PPP1R14D: variants seen among roughly 807,000 people sequenced by gnomAD.
PPP1R14D encodes protein phosphatase 1 regulatory subunit 14D.
In PPP1R14D, 14 loss-of-function variants were observed where a neutral mutation model predicts 17.1. That is an observed-to-expected ratio of 0.82 (90% CI 0.54 to 1.28). The LOEUF (loss-of-function observed/expected upper bound fraction) is 1.28. Among genes scored for constraint, PPP1R14D ranks in the 50% most tolerant of loss-of-function variants. The pLI is 0.00. For synonymous variants in PPP1R14D, 67 were observed against 66.1 expected (o/e 1.01, Z -0.06); for missense variants, 173 against 179.2 (o/e 0.97, Z 0.20).
intron 1 of PPP1R14D, among the ~76,000 whole-genome samples, chr15:40,820,217 G>C (rs1028738308): frequency 1.3e-5 from 2 of 150,398 alleles, no homozygotes; most frequent in African/African-American, 4.9e-5. Context: ...GGAGTGCAGT[G>C]GTGCGATCTC....
chr15:40,822,484 G>A (rs557743263), intron 1 of PPP1R14D, among the ~76,000 whole-genome samples: 3 of 150,812 alleles, frequency 2.0e-5, no homozygotes, highest in South Asian at 4.2e-4. Flanking sequence ...ATGGAGTTTC[G>A]CTCTTGTTGC....
At chr15:40,818,465 A>G (rs2141985598) in intron 1 of PPP1R14D, among the ~76,000 whole-genome samples, 1 of 152,300 alleles carries the variant, frequency 6.6e-6, no homozygotes, top group Admixed American at 6.5e-5. Flanking sequence ...TGAGCTATCA[A>G]GCCAGGAAGA....
chr15:40,815,510 C>T lies in PPP1R14D; in HGVS notation c.*186G>A. On this transcript the variant is annotated 3_prime_UTR_variant, in exon 4 of 4. Coordinates refer to ENST00000299174, the MANE Select transcript of PPP1R14D (RefSeq NM_017726.8). ...AAGGAAGGCATTGGACAACAGCCAG[C>T]TTTCTCCCAGAGAGCCCAGCTGACA... 1 of 730,190 alleles carries T rather than the reference C, an allele frequency of 1.4e-6. No individual in the cohort carries two copies. The highest frequency in any genetic ancestry group is 2.2e-6 in the Non-Finnish European group (1 of 458,492). The allele number at this position is 730,190 out of a possible 1,614,324, so 45.2% of individuals were successfully genotyped here.
intron 1 of PPP1R14D, among the ~76,000 whole-genome samples, chr15:40,816,565 A>G (rs796278183): frequency 6.9e-6 from 1 of 145,972 alleles, no homozygotes; most frequent in Admixed American, 6.8e-5. Context: ...ATACAAAAAT[A>G]AGCCGGGCAT....
chr15:40,822,150 G>T (rs933913053), intron 1 of PPP1R14D, among the ~76,000 whole-genome samples: 2 of 151,870 alleles, frequency 1.3e-5, no homozygotes, highest in Non-Finnish European at 2.9e-5. Context: ...ATGTAAAAAA[G>T]TTACAGTAAT....
rs753884998 is a variant in PPP1R14D at position 40,815,944 on chromosome 15, CAGA to C, written c.372+15_372+17del. The C allele has an allele frequency of 6.8e-6, 11 of 1,613,806 alleles. No individual in the cohort carries two copies. Among genetic ancestry groups the C allele is most frequent in the Non-Finnish European group, 9.3e-6 (11 of 1,179,912 alleles). On this transcript the variant is annotated intron_variant, in intron 3 of 3. Transcript: ENST00000299174. ...TGGGCCTCCTCTTACCCCAGACCAGCAGAAGAACATCCCTTACCTCTGTGGGGC... is the reference window on the plus strand; with the variant it reads ...TGGGCCTCCTCTTACCCCAGACCAGCAGAACATCCCTTACCTCTGTGGGGC...
chr15:40,821,737 G>A (rs1386785923), intron 1 of PPP1R14D, among the ~76,000 whole-genome samples: 2 of 152,078 alleles, frequency 1.3e-5, no homozygotes, highest in Non-Finnish European at 2.9e-5. Context: ...AGACCAGACT[G>A]GCCACCATGG....
In PPP1R14D at chr15:40,815,872, C is replaced by A. The variant is rs868858907; in HGVS notation, c.372+90G>T. The A allele has an allele frequency of 5.8e-6, 9 of 1,561,988 alleles. No homozygotes were observed. In the Middle Eastern group the frequency reaches 8.5e-4, roughly 148 times the overall value. ...TCCCCAGAGAAGGGAGAAGGACCCA[C>A]AGCCAAGCCTTCCCTTCAAATACTC... is the stretch of plus-strand genomic sequence containing the variant. On this transcript the variant is annotated intron_variant, in intron 3 of 3. Transcript: ENST00000299174.
intron 1 of PPP1R14D, among the ~76,000 whole-genome samples, chr15:40,817,893 G>A (rs1000100673): frequency 4.6e-5 from 7 of 152,074 alleles, no homozygotes; most frequent in Middle Eastern, 3.4e-3. Context: ...GATTACAGGC[G>A]TAAGCACCAT....
In PPP1R14D at chr15:40,822,317, T is replaced by G. The variant is rs898669373; in HGVS notation, c.256-6064A>C. On this transcript the variant is annotated intron_variant, in intron 1 of 3. Transcript: ENST00000299174. ...CTGGGAAACATAGTGAGACCTTGCCTCTAAAAAAAAAAAAGAAAGAAAAAA... is the reference window on the plus strand; with the variant it reads ...CTGGGAAACATAGTGAGACCTTGCCGCTAAAAAAAAAAAAGAAAGAAAAAA... Among the ~76,000 whole-genome samples, 8 of 149,804 alleles carry G rather than the reference T, an allele frequency of 5.3e-5. No individual in the cohort carries two copies. In the East Asian group the frequency reaches 1.6e-3, roughly 29 times the overall value.
chr15:40,822,856 C>T (rs1890803735), intron 1 of PPP1R14D, among the ~76,000 whole-genome samples: 1 of 151,698 alleles, frequency 6.6e-6, no homozygotes, highest in Admixed American at 6.6e-5. Flanking sequence ...GTCACCCAGG[C>T]TGCACAATCA....
At chr15:40,824,408 T>C (rs1049171881) in intron 1 of PPP1R14D, among the ~76,000 whole-genome samples, 2 of 151,954 alleles carry the variant, frequency 1.3e-5, no homozygotes, top group Non-Finnish European at 2.9e-5. Flanking sequence ...TCTTGCTTTG[T>C]CACCCAGGCT....
intron 1 of PPP1R14D, among the ~76,000 whole-genome samples, chr15:40,820,175 T>A (rs1596126316): frequency 6.7e-6 from 1 of 148,818 alleles, no homozygotes; most frequent in East Asian, 2.0e-4. Flanking sequence ...CCTTTTTTTT[T>A]GCTGACAGGG....
At chr15:40,828,148 T>A (rs1390463787) in intron 1 of PPP1R14D, among the ~76,000 whole-genome samples, 1 of 152,178 alleles carries the variant, frequency 6.6e-6, no homozygotes, top group African/African-American at 2.4e-5. Flanking sequence ...AACAGCCCTA[T>A]TATAGATTAG....
chr15:40,819,987 C>T (rs149146108), intron 1 of PPP1R14D, among the ~76,000 whole-genome samples: 8,023 of 151,834 alleles, frequency 0.053, 433 homozygotes, highest in African/African-American at 0.15. Flanking sequence ...CTGCCTCAGC[C>T]TCCCGAGTAG....
Position 40,828,627 on chromosome 15 carries a change from G to A in PPP1R14D, c.15C>T (p.Ser5=). 6.2e-7 allele frequency: 1 copy of A among 1,611,950 alleles called. No individual in the cohort carries two copies. The highest frequency in any genetic ancestry group is 8.5e-7 in the Non-Finnish European group (1 of 1,178,714). MLSS[S]PASCTSPSPD... is the part of the protein sequence containing the mutation. ...GGCTGGGAGATGTGCAGGAAGCAGG[G>A]CTTGAAGACAGCATGGAAGTATTGG... Residue 5 remains serine (S), a synonymous_variant, in exon 1 of 4, where the codon AGC becomes AGT. Coordinates refer to ENST00000299174, the MANE Select transcript of PPP1R14D (RefSeq NM_017726.8).
In PPP1R14D at chr15:40,815,962, C is replaced by A. The variant is rs778195040; in HGVS notation, c.372G>T (p.Glu124Asp). 1.8e-5 allele frequency: 29 copies of A among 1,614,108 alleles called. No individual in the cohort carries two copies. The highest frequency in any genetic ancestry group is 2.5e-5 in the Non-Finnish European group (29 of 1,180,002). Residue 124 changes from glutamate (E) to aspartate (D), a missense_variant and splice_region_variant, in exon 3 of 4, where the codon GAG (glutamate) becomes GAT (aspartate). Physicochemically the swap from Glu to Asp is conservative, Grantham distance 45. Transcript: ENST00000299174. ...AGACCAGCAGAAGAACATCCCTTAC[C>A]TCTGTGGGGCGGGGGCAGTTCCCAA... is the stretch of plus-strand genomic sequence containing the variant. Reference protein sequence around the residue: ...AILGNCPRPTEAFISELLSQL... With the variant: ...AILGNCPRPTDAFISELLSQL...
intron 1 of PPP1R14D, among the ~76,000 whole-genome samples, chr15:40,824,511 C>T (rs796332574): frequency 6.6e-6 from 1 of 151,932 alleles, no homozygotes; most frequent in Non-Finnish European, 1.5e-5. Flanking sequence ...GTTGGAACCA[C>T]AGGCACGCAC....
chr15:40,816,133 C>G (rs1322650648), intron 2 of PPP1R14D, 37 bp downstream of exon 2: 2 of 1,608,662 alleles, frequency 1.2e-6, no homozygotes, highest in African/African-American at 2.7e-5. Flanking sequence ...TTCTGGGTTC[C>G]CACTGACCCA....
Sources: allele counts gnomAD v4.1 joint callset (sites outside exome capture counted in the v4.1 genomes callset), GRCh38; gene constraint gnomAD v4.1.1; transcripts MANE v1.5; gene names NCBI Gene and HGNC (gene_info 2026-07-23, HGNC 2026-07-21).